The following DMRT1 variants were observed in gnomAD, a reference collection of about 807,000 sequenced individuals.
The protein encoded by DMRT1 is doublesex- and mab-3-related transcription factor 1.
In DMRT1, 7 loss-of-function variants were observed where a neutral mutation model predicts 32.3. The observed-to-expected ratio is 0.22, with a 90% confidence interval of 0.12 to 0.41. The LOEUF (loss-of-function observed/expected upper bound fraction) is 0.41. DMRT1 is among the 10% of genes least tolerant of loss of function. The probability of loss-of-function intolerance (pLI) is 1.00; values close to 1 mark genes in which losing one functional copy is unlikely to be tolerated. For synonymous variants in DMRT1, 278 were observed against 206.1 expected, an observed-to-expected ratio of 1.35 and a Z score of -2.99; for missense variants, 625 against 500.5, an observed-to-expected ratio of 1.25 and a Z score of -2.37.
At chr9:919,860 C>T (rs538424360) in intron 4 of DMRT1, among the ~76,000 whole-genome samples, 2 of 152,242 alleles carry the variant, frequency 1.3e-5, no homozygotes, top group South Asian at 4.2e-4. Flanking sequence ...ATAGAACCAA[C>T]AAGATTTGCT....
chr9:883,270 T>A (rs1369201500), intron 2 of DMRT1, among the ~76,000 whole-genome samples: 1 of 149,618 alleles, frequency 6.7e-6, no homozygotes, highest in Non-Finnish European at 1.5e-5. Context: ...CCAAATTACG[T>A]TAAAAAGATA....
intron 2 of DMRT1, among the ~76,000 whole-genome samples, chr9:876,761 C>G (rs894913914): frequency 6.6e-6 from 1 of 152,150 alleles, no homozygotes; most frequent in Non-Finnish European, 1.5e-5. Context: ...GAACTTCTGA[C>G]CTCAAGCAAT....
At chr9:920,233 G>C (rs1818311048) in intron 4 of DMRT1, among the ~76,000 whole-genome samples, 2 of 152,094 alleles carry the variant, frequency 1.3e-5, no homozygotes. Flanking sequence ...CATTTGGAGA[G>C]ATGAATGTAG....
intron 3 of DMRT1, among the ~76,000 whole-genome samples, chr9:908,223 A>C (rs1817848065): frequency 6.6e-6 from 1 of 152,158 alleles, no homozygotes; most frequent in South Asian, 2.1e-4. Flanking sequence ...GGGGGGCCCA[A>C]GGTGAGAGGA....
intron 4 of DMRT1, among the ~76,000 whole-genome samples, chr9:932,117 G>T (rs1001275610): frequency 1.3e-5 from 2 of 152,116 alleles, no homozygotes; most frequent in Non-Finnish European, 2.9e-5. Context: ...CCACTCACGG[G>T]AACACTTTTC....
intron 4 of DMRT1, among the ~76,000 whole-genome samples, chr9:925,344 C>T (rs1409286707): frequency 6.6e-6 from 1 of 152,180 alleles, no homozygotes; most frequent in Non-Finnish European, 1.5e-5. Flanking sequence ...GGGGTACTGT[C>T]CCCAGGCCAC....
chr9:853,542 G>A (rs1815256310), intron 2 of DMRT1, among the ~76,000 whole-genome samples: 2 of 148,446 alleles, frequency 1.3e-5, no homozygotes, highest in Non-Finnish European at 3.0e-5. Context: ...GTGTGATCTC[G>A]GCTCACTGCA....
At position 841,940 on chromosome 9, in the gene DMRT1, G is replaced by A. The variant is rs1838699481; in HGVS notation, c.102G>A (p.Ala34=). The change falls in exon 1 of 5, where the codon GCG becomes GCA. Residue 34 remains alanine (A), a synonymous_variant. Coordinates refer to ENST00000382276, the MANE Select transcript of DMRT1 (RefSeq NM_021951.3). The part of the protein sequence containing the change: ...PQGRAGGFGK[A]SGALVGAASG... The stretch of plus-strand genomic sequence containing the variant: ...GCAGAGCCGGGGGCTTTGGCAAAGC[G>A]TCTGGGGCGCTAGTGGGGGCGGCCA... The A allele has an allele frequency of 6.2e-7, 1 of 1,603,184 alleles. No individual in the cohort carries two copies.
intron 4 of DMRT1, among the ~76,000 whole-genome samples, chr9:927,476 C>T (rs920530918): frequency 1.2e-4 from 18 of 152,230 alleles, no homozygotes; most frequent in African/African-American, 1.9e-4. Context: ...CATTGCCCGG[C>T]GCGGTGGCGT....
Position 854,851 on chromosome 9 carries a change from C to T in DMRT1, c.538+7708C>T, listed in dbSNP as rs993330493. ...CATAATCTCGGCTCACTGCAAGCTC[C>T]GCCTCCTGGGTTCACGCCATTCTCC... On this transcript the variant is annotated intron_variant, in intron 2 of 4. Coordinates refer to ENST00000382276, the MANE Select transcript of DMRT1 (RefSeq NM_021951.3). 3.4e-5 allele frequency among the ~76,000 whole-genome samples: 5 copies of T among 149,120 alleles called. No homozygotes were observed. The East Asian group carries it at 6.0e-4, about 18-fold the overall frequency.
At chr9:938,884 G>A (rs982526078) in intron 4 of DMRT1, among the ~76,000 whole-genome samples, 6 of 152,124 alleles carry the variant, frequency 3.9e-5, no homozygotes, top group Non-Finnish European at 8.8e-5. Flanking sequence ...TTTCATATAC[G>A]ACCGTGATCA....
intron 4 of DMRT1, among the ~76,000 whole-genome samples, chr9:926,992 C>G (rs928251597): frequency 6.6e-6 from 1 of 152,202 alleles, no homozygotes; most frequent in South Asian, 2.1e-4. Context: ...CTGTTGGGCC[C>G]TCCTTGGATG....
chr9:938,041 C>G (rs982576450), intron 4 of DMRT1, among the ~76,000 whole-genome samples: 1 of 151,992 alleles, frequency 6.6e-6, no homozygotes, highest in Non-Finnish European at 1.5e-5. Flanking sequence ...AGGTAAGGAT[C>G]TAACTCTATT....
chr9:906,344 A>G (rs1817777470), intron 3 of DMRT1, among the ~76,000 whole-genome samples: 1 of 152,326 alleles, frequency 6.6e-6, no homozygotes, highest in Non-Finnish European at 1.5e-5. Context: ...TTCTGTGCTC[A>G]TAAGACACCC....
intron 2 of DMRT1, among the ~76,000 whole-genome samples, chr9:873,370 A>G (rs1046435822): frequency 5.3e-5 from 8 of 151,844 alleles, no homozygotes; most frequent in East Asian, 1.9e-4. Flanking sequence ...CAGTGGCGCA[A>G]TCTTGGCTCA....
At chr9:872,194 T>C (rs1366921510) in intron 2 of DMRT1, among the ~76,000 whole-genome samples, 1 of 151,176 alleles carries the variant, frequency 6.6e-6, no homozygotes, top group East Asian at 1.9e-4. Context: ...CCCGAGTAGC[T>C]GGGATTACAG....
chr9:911,784 G>T (rs1413778606), intron 3 of DMRT1, among the ~76,000 whole-genome samples: 4 of 152,098 alleles, frequency 2.6e-5, no homozygotes. Context: ...GAGCCACCGC[G>T]CCCATCCATG....
chr9:849,290 T>TTAGAGGCTGTGGTCTAATCCTCAGAGTAA (rs1226477740), intron 2 of DMRT1, among the ~76,000 whole-genome samples: 1 of 152,138 alleles, frequency 6.6e-6, no homozygotes, highest in East Asian at 1.9e-4. Flanking sequence ...TAACGATTGT[T>TTAGAGGCTGTGGTCTAATCCTCAGAGTAA]TAGAGGCTGT....
chr9:875,536 G>T (rs1322570778), intron 2 of DMRT1, among the ~76,000 whole-genome samples: 4 of 152,208 alleles, frequency 2.6e-5, no homozygotes, highest in Non-Finnish European at 5.9e-5. Flanking sequence ...TGGTGATCCA[G>T]ATGTACAAAT....
Sources: gnomAD v4.1 joint callset for allele counts (sites outside exome capture counted in the v4.1 genomes callset) on GRCh38, gnomAD v4.1.1 for gene constraint, MANE v1.5 for transcripts, NCBI Gene and HGNC (gene_info 2026-07-23, HGNC 2026-07-21) for gene names.